Variants in MTCL2 observed in about 807,000 individuals in gnomAD.
MTCL2 encodes microtubule cross-linking factor 2.
chr20:36,784,088 G>A, the MTCL2 span: 9 of 985,514 alleles, frequency 9.1e-6, no homozygotes, highest in Non-Finnish European at 9.6e-6. Flanking sequence ...TGGGGCTCAG[G>A]TCCCACGGGG....
chr20:36,814,878 C>T, the MTCL2 span, among the ~76,000 whole-genome samples: 1 of 151,972 alleles, frequency 6.6e-6, no homozygotes. Context: ...CAGAGCGAGA[C>T]TCCGTCTCAA....
the MTCL2 span, chr20:36,859,887 A>C: frequency 8.1e-7 from 1 of 1,231,304 alleles, no homozygotes. Flanking sequence ...AGTCTAACAC[A>C]TGCTTACTCC....
At chr20:36,786,071 G>T in the MTCL2 span, 4 of 987,012 alleles carry the variant, frequency 4.1e-6, no homozygotes, top group Non-Finnish European at 4.8e-6. Flanking sequence ...AGGGGTGGAT[G>T]GTCAGCAGGA....
the MTCL2 span, among the ~76,000 whole-genome samples, chr20:36,806,970 C>A: frequency 6.6e-6 from 1 of 152,190 alleles, no homozygotes; most frequent in African/African-American, 2.4e-5. Context: ...GTGTGGCCTG[C>A]AGGTCATTCC....
At chr20:36,785,153 A>G in the MTCL2 span, 4 of 985,230 alleles carry the variant, frequency 4.1e-6, no homozygotes, top group Non-Finnish European at 4.8e-6. Flanking sequence ...CTGAGGCCAC[A>G]TGGCCAGCCG....
At chr20:36,824,135 ATCCCATCTTTGTCTTTC>A in the MTCL2 span, among the ~76,000 whole-genome samples, 5 of 152,068 alleles carry the variant, frequency 3.3e-5, no homozygotes, top group Non-Finnish European at 7.4e-5. Context: ...CTGGGTTTGA[ATCCCATCTTTGTCTTTC>A]CCCAGTCACG....
the MTCL2 span, chr20:36,794,876 C>A: frequency 2.0e-6 from 1 of 489,612 alleles, no homozygotes; most frequent in Non-Finnish European, 3.7e-6. The surrounding 1 kb of genome is among the most constrained non-coding windows in gnomAD (Gnocchi z 5.4). Context: ...TCAAGTGATC[C>A]TCCCATTTCA....
At chr20:36,837,488 A>G in the MTCL2 span, among the ~76,000 whole-genome samples, 1 of 152,022 alleles carries the variant, frequency 6.6e-6, no homozygotes, top group African/African-American at 2.4e-5. Flanking sequence ...ATTCTTCATC[A>G]AGAAAATGGA....
chr20:36,848,282 G>C, the MTCL2 span, among the ~76,000 whole-genome samples: 1 of 152,130 alleles, frequency 6.6e-6, no homozygotes, highest in African/African-American at 2.4e-5. Flanking sequence ...CTGCCCACAA[G>C]GTGCATCTCT....
At chr20:36,809,535 C>A in the MTCL2 span, among the ~76,000 whole-genome samples, 3 of 151,628 alleles carry the variant, frequency 2.0e-5, no homozygotes, top group African/African-American at 2.4e-5. Context: ...CCCAGCAGGG[C>A]ACAGGGGCTG....
At chr20:36,827,353 C>A in the MTCL2 span, among the ~76,000 whole-genome samples, 1 of 147,038 alleles carries the variant, frequency 6.8e-6, no homozygotes, top group Non-Finnish European at 1.5e-5. Flanking sequence ...GTGCCTGGAC[C>A]CCCCTTTTTT....
the MTCL2 span, among the ~76,000 whole-genome samples, chr20:36,825,095 AC>A: frequency 3.3e-5 from 5 of 151,222 alleles, no homozygotes; most frequent in South Asian, 1.0e-3. Flanking sequence ...GGCGCCCACC[AC>A]CACACTTGGC....
At chr20:36,839,264 C>T in the MTCL2 span, 15 of 1,609,336 alleles carry the variant, frequency 9.3e-6, no homozygotes, top group Admixed American at 1.7e-5. This position sits in a 1 kb window ranked among gnomAD's most constrained non-coding sequence, Gnocchi z 5.1. Context: ...TCCACCTGGC[C>T]GGTCTGGGCG....
At chr20:36,797,240 C>T in the MTCL2 span, among the ~76,000 whole-genome samples, 2 of 152,142 alleles carry the variant, frequency 1.3e-5, no homozygotes, top group South Asian at 2.1e-4. Flanking sequence ...TCCAGTGGTC[C>T]ACTGCTCAGC....
At chr20:36,842,319 C>A in the MTCL2 span, among the ~76,000 whole-genome samples, 462 of 152,274 alleles carry the variant, frequency 3.0e-3, 1 homozygote, top group African/African-American at 0.011. Context: ...GAATGTGCAA[C>A]AATCATTAGA....
the MTCL2 span, among the ~76,000 whole-genome samples, chr20:36,830,414 A>T: frequency 6.6e-6 from 1 of 152,092 alleles, no homozygotes; most frequent in African/African-American, 2.4e-5. Context: ...AAAAACCCAA[A>T]AAAGTTAGCT....
the MTCL2 span, among the ~76,000 whole-genome samples, chr20:36,861,884 C>T: frequency 6.6e-6 from 1 of 152,242 alleles, no homozygotes; most frequent in Admixed American, 6.5e-5. Flanking sequence ...AGGGTCCCCA[C>T]ATGGCCACAG....
At chr20:36,812,771 G>C in the MTCL2 span, 7 of 1,613,816 alleles carry the variant, frequency 4.3e-6, no homozygotes, top group South Asian at 5.5e-5. Flanking sequence ...GTCGGGCTTA[G>C]AGTCCAAGTC....
the MTCL2 span, chr20:36,839,224 T>G: frequency 6.3e-7 from 1 of 1,595,172 alleles, no homozygotes; most frequent in South Asian, 1.1e-5. This position sits in a 1 kb window ranked among gnomAD's most constrained non-coding sequence, Gnocchi z 5.1. Flanking sequence ...GACCTTGACA[T>G]CCTGCTCCAG....
Sources: gnomAD v4.1 joint callset for allele counts (sites outside exome capture counted in the v4.1 genomes callset) on GRCh38, gnomAD v4.1.1 for gene constraint, Gnocchi (gnomAD v3.1) non-coding constraint, MANE v1.5 for transcripts, NCBI Gene and HGNC (gene_info 2026-07-23, HGNC 2026-07-21) for gene names.